LRP1B: variants seen among roughly 807,000 people sequenced by gnomAD.
LRP1B encodes the protein low-density lipoprotein receptor-related protein 1B.
In LRP1B, 217 loss-of-function variants were observed where a neutral mutation model predicts 556.6. The ratio of observed to expected loss-of-function variants is 0.39; its 90% CI spans 0.35 to 0.44. LRP1B has a LOEUF of 0.44. Ranked by LOEUF, LRP1B falls within the 20% of genes least tolerant of loss-of-function variation. The pLI is 1.00. For synonymous variants in LRP1B, 2,047 were observed against 1,865.8 expected (o/e 1.10, Z -2.50); for missense variants, 5,053 against 5,620.8 (o/e 0.90, Z 3.23).
chr2:140,321,415 CATAATTATTATG>C (rs1299226028), intron 82 of LRP1B, among the ~76,000 whole-genome samples: 3 of 146,280 alleles, frequency 2.1e-5, no homozygotes, highest in African/African-American at 4.9e-5. Flanking sequence ...CATCAGCCCT[CATAATTATTATG>C]ATAATTATCA....
intron 1 of LRP1B, among the ~76,000 whole-genome samples, chr2:141,917,117 AAG>A (rs981048432): frequency 2.0e-5 from 3 of 152,188 alleles, no homozygotes; most frequent in Admixed American, 2.0e-4. Flanking sequence ...CTTTATGATG[AAG>A]AGAGATAAAT....
chr2:141,773,813 G>A (rs1332241205), intron 2 of LRP1B, among the ~76,000 whole-genome samples: 1 of 152,204 alleles, frequency 6.6e-6, no homozygotes, highest in African/African-American at 2.4e-5. Flanking sequence ...AAAGCATGAT[G>A]GTGGGTTATG....
intron 2 of LRP1B, among the ~76,000 whole-genome samples, chr2:141,518,432 T>A (rs928887677): frequency 6.6e-6 from 1 of 152,312 alleles, no homozygotes. Flanking sequence ...TATAGGCTAC[T>A]TTATTTCTCA....
intron 22 of LRP1B, among the ~76,000 whole-genome samples, chr2:140,905,590 G>A (rs1694227892): frequency 6.6e-6 from 1 of 152,050 alleles, no homozygotes; most frequent in Admixed American, 6.6e-5. Flanking sequence ...TGCTGCCACT[G>A]CCTCTTGTCA....
chr2:141,002,381 T>C (rs4954684), intron 15 of LRP1B, among the ~76,000 whole-genome samples: 97,890 of 151,836 alleles, frequency 0.64, 31,800 homozygotes, highest in Non-Finnish European at 0.68. Context: ...CATAAAAAAG[T>C]ACAGGAGGCA....
intron 3 of LRP1B, among the ~76,000 whole-genome samples, chr2:141,296,828 A>G (rs1003592777): frequency 6.6e-5 from 10 of 152,166 alleles, no homozygotes; most frequent in African/African-American, 2.4e-4. Flanking sequence ...GGTACTGAGC[A>G]TAGTAGCAGT....
chr2:142,105,602 G>C (rs1008233736), intron 1 of LRP1B, among the ~76,000 whole-genome samples: 1 of 152,112 alleles, frequency 6.6e-6, no homozygotes, highest in Non-Finnish European at 1.5e-5. Context: ...AAGGAGATCA[G>C]CTAAAATGAT....
intron 7 of LRP1B, among the ~76,000 whole-genome samples, chr2:141,154,236 G>A (rs1231304675): frequency 6.6e-6 from 1 of 151,856 alleles, no homozygotes; most frequent in East Asian, 1.9e-4. Flanking sequence ...TCTCATGCAA[G>A]TCAACAATAA....
intron 41 of LRP1B, among the ~76,000 whole-genome samples, chr2:140,666,229 G>T: frequency 6.6e-6 from 1 of 151,516 alleles, no homozygotes; most frequent in African/African-American, 2.4e-5. Context: ...TCCTGACCTC[G>T]TTATCTATCT....
chr2:140,789,439 G>T (rs577095200), intron 32 of LRP1B, among the ~76,000 whole-genome samples: 1 of 151,998 alleles, frequency 6.6e-6, no homozygotes, highest in East Asian at 1.9e-4. Flanking sequence ...TCTAAACTAG[G>T]TTCTATAACT....
intron 9 of LRP1B, among the ~76,000 whole-genome samples, chr2:141,057,435 T>C (rs1419683692): frequency 6.6e-6 from 1 of 151,794 alleles, no homozygotes; most frequent in African/African-American, 2.4e-5. Flanking sequence ...ACCTGCAATG[T>C]TGTTGCCCAG....
intron 7 of LRP1B, among the ~76,000 whole-genome samples, chr2:141,089,204 C>T (rs1042254622): frequency 5.3e-5 from 8 of 152,138 alleles, no homozygotes; most frequent in Non-Finnish European, 8.8e-5. Context: ...TCAGGCACAG[C>T]GGGCTCTTAT....
intron 2 of LRP1B, among the ~76,000 whole-genome samples, chr2:141,519,308 A>G (rs961951150): frequency 1.4e-5 from 2 of 147,894 alleles, no homozygotes; most frequent in Non-Finnish European, 3.0e-5. Flanking sequence ...TATCATGGCC[A>G]TGATAGAAAA....
rs1480748690 is a variant in LRP1B at position 141,016,242 on chromosome 2, T to C, written c.1971-327A>G. ...GTTGATACCAAGTAAAGGAAATGAT[T>C]TTCTGGGTCATTACTATTTTAAATG... is the stretch of plus-strand genomic sequence containing the variant. On this transcript the variant is annotated intron_variant, in intron 12 of 90. Transcript: ENST00000389484. 2.0e-5 allele frequency among the ~76,000 whole-genome samples: 3 copies of C among 152,064 alleles called. No individual in the cohort carries two copies. In the East Asian group the frequency reaches 5.8e-4, roughly 29 times the overall value.
intron 2 of LRP1B, among the ~76,000 whole-genome samples, chr2:141,630,753 G>A (rs932076157): frequency 1.2e-4 from 19 of 152,096 alleles, no homozygotes; most frequent in Admixed American, 1.1e-3. Flanking sequence ...ATGCACAGGG[G>A]GTGTTGAAAT....
intron 2 of LRP1B, among the ~76,000 whole-genome samples, chr2:141,560,415 T>A (rs1433907495): frequency 1.3e-5 from 2 of 151,746 alleles, no homozygotes; most frequent in Middle Eastern, 3.2e-3. Flanking sequence ...TGTAGGTTTT[T>A]TACAACTCTC....
At chr2:141,608,141 T>C (rs766074068) in intron 2 of LRP1B, among the ~76,000 whole-genome samples, 5 of 152,028 alleles carry the variant, frequency 3.3e-5, no homozygotes, top group African/African-American at 7.2e-5. Context: ...GGAGAATCGC[T>C]TGAACCCGGG....
At chr2:141,831,480 C>T (rs1238518930) in intron 1 of LRP1B, among the ~76,000 whole-genome samples, 2 of 151,560 alleles carry the variant, frequency 1.3e-5, no homozygotes, top group African/African-American at 4.8e-5. Flanking sequence ...ATGGTTTACT[C>T]TCACACATTT....
chr2:140,536,213 T>G (rs769288485), intron 46 of LRP1B, among the ~76,000 whole-genome samples: 14 of 144,898 alleles, frequency 9.7e-5, no homozygotes, highest in Non-Finnish European at 1.8e-4. Context: ...ATTCACGGAG[T>G]GCTGTTATCC....
Sources: allele counts gnomAD v4.1 joint callset (sites outside exome capture counted in the v4.1 genomes callset), GRCh38; gene constraint gnomAD v4.1.1; transcripts MANE v1.5; gene names NCBI Gene and HGNC (gene_info 2026-07-23, HGNC 2026-07-21).